Variants in TH observed in about 807,000 individuals in gnomAD.
The protein encoded by TH is tyrosine 3-monooxygenase.
TH carries 49 observed loss-of-function variants against 57.4 expected under a neutral mutation model. That is an observed-to-expected ratio of 0.85 (90% CI 0.68 to 1.08). The LOEUF is 1.08. Ranked by LOEUF, TH falls within the 50% of genes least tolerant of loss-of-function variation. The probability of loss-of-function intolerance (pLI) is 0.00; values close to 1 mark genes in which losing one functional copy is unlikely to be tolerated. For synonymous variants in TH, 330 were observed against 304.5 expected, an observed-to-expected ratio of 1.08 and a Z score of -0.87; for missense variants, 720 against 696.7, an observed-to-expected ratio of 1.03 and a Z score of -0.38.
At chr11:2,168,720 A>AG in intron 2 of TH, 55 bp from the exon 3 acceptor site, 1 of 270,178 alleles carries the variant, frequency 3.7e-6, no homozygotes, top group Non-Finnish European at 6.7e-6. Flanking sequence ...AGAGATGGAG[A>AG]GAGAGGGTGG....
In TH at chr11:2,166,495, G is replaced by A. The variant is rs763198914; in HGVS notation, c.1032C>T (p.Phe344=). The A allele has an allele frequency of 6.3e-6, 10 of 1,593,848 alleles. No individual in the cohort carries two copies. Among genetic ancestry groups the A allele is most frequent in the Non-Finnish European group, 8.5e-6 (10 of 1,175,628 alleles). Residue 344 remains phenylalanine, a synonymous_variant, in exon 9 of 13, where the codon TTC becomes TTT. Coordinates refer to ENST00000352909, the MANE Select transcript of TH (RefSeq NM_000360.4). ...GHVPMLADRT[F]AQFSQDIGLA... is the part of the protein sequence containing the mutation. ...CGCGGCGTACCTGCGAGAACTGCGC[G>A]AAGGTGCGGTCGGCCAGCATGGGCA... is the stretch of plus-strand genomic sequence containing the variant.
rs1453157611 is a variant in TH, at chr11:2,171,033, C to G, written c.90+664G>C. 2.0e-5 allele frequency among the ~76,000 whole-genome samples: 3 copies of G among 152,066 alleles called. No homozygotes were observed. Among genetic ancestry groups the G allele is most frequent in the African/African-American group, 7.2e-5 (3 of 41,402 alleles). On this transcript the variant is annotated intron_variant, in intron 1 of 12. Transcript: ENST00000352909. This position sits in a 1 kb window ranked among gnomAD's most constrained non-coding sequence, Gnocchi z 8.6. ...GATTATCCAGCCTGGCCCACACAGT[C>G]CCCTGTACACAGGGCTTCCGAGTGC...
rs776723483 is a variant in TH, at chr11:2,167,858, C to T, written c.644+8G>A. 1.9e-6 allele frequency: 3 copies of T among 1,598,608 alleles called. No individual in the cohort carries two copies. The highest frequency in any genetic ancestry group is 2.6e-6 in the Non-Finnish European group (3 of 1,172,620). ...GGAGTCTGGGTCCCGAGCGCAGGGG[C>T]CCCTCACTGCCTGTACTGGAAGGCG... On this transcript the variant is annotated splice_region_variant and intron_variant, in intron 5 of 12. Transcript: ENST00000352909.
At chr11:2,166,169 G>A in intron 9 of TH, 111 bp from the exon 10 acceptor site, 1 of 1,229,648 alleles carries the variant, frequency 8.1e-7, no homozygotes, top group Admixed American at 2.0e-5. Context: ...ACACTTCCCT[G>A]GCGGCAGAGA....
chr11:2,165,435 C>A, intron 11 of TH, 70 bp from the exon 12 acceptor site: 1 of 1,598,180 alleles, frequency 6.3e-7, no homozygotes, highest in South Asian at 1.1e-5. Context: ...GGCACCGTGG[C>A]CTGACGCTGG....
Position 2,168,668 on chromosome 11 carries a change from T to C in TH, c.313-3A>G, listed in dbSNP as rs747848885. Reference sequence around the variant, plus strand: ...TGGTGGATTTTGGCTTCAAACGTCTTAGGGAGCAAAAGCAGGAAGAGAGAG... The same window carrying C: ...TGGTGGATTTTGGCTTCAAACGTCTCAGGGAGCAAAAGCAGGAAGAGAGAG... On this transcript the variant is annotated splice_polypyrimidine_tract_variant and splice_region_variant and intron_variant, in intron 2 of 12. Transcript: ENST00000352909. The C allele has an allele frequency of 6.6e-6, 10 of 1,509,310 alleles. No individual in the cohort carries two copies. In the South Asian group the frequency reaches 1.0e-4, roughly 15 times the overall value. 93.5% of individuals were successfully genotyped at this position (1,509,310 alleles called of 1,614,324 possible). A position where few individuals can be genotyped will look rare whatever the true frequency, so the allele number is the denominator to read the frequency against.
In TH at chr11:2,168,123, T is replaced by G. The variant is rs749564862; in HGVS notation, c.544A>C (p.Lys182Gln). Reference sequence around the variant, plus strand: ...TCCAAGTCCAGGTCAGGGTCGAACTTGGTGACCAGGTGATGACACTTGTCC... The same window carrying G: ...TCCAAGTCCAGGTCAGGGTCGAACTGGGTGACCAGGTGATGACACTTGTCC... ...ELDKCHHLVT[K>Q]FDPDLDLDHP... is the part of the protein sequence containing the mutation. Residue 182 changes from lysine (K) to glutamine (Q), a missense_variant, in exon 4 of 13, where the codon AAG (lysine) becomes CAG (glutamine). By Grantham distance (53) the Lys-to-Gln change is moderately conservative. Coordinates refer to ENST00000352909, the MANE Select transcript of TH (RefSeq NM_000360.4). 1.2e-6 allele frequency: 2 copies of G among 1,613,532 alleles called. No homozygotes were observed. Among genetic ancestry groups the G allele is most frequent in the Non-Finnish European group, 8.5e-7 (1 of 1,179,994 alleles).
At chr11:2,169,518 C>T in intron 2 of TH, 132 bp downstream of exon 2, 1 of 857,810 alleles carries the variant, frequency 1.2e-6, no homozygotes, top group Non-Finnish European at 1.9e-6. Flanking sequence ...CCTGAGACTC[C>T]CCTGCTGCAT....
Position 2,167,898 on chromosome 11 carries a change from C to G in TH, c.612G>C (p.Lys204Asn). 1 of 1,610,762 alleles carries G rather than the reference C, an allele frequency of 6.2e-7. No individual in the cohort carries two copies. Residue 204 changes from lysine to asparagine, a missense_variant, in exon 5 of 13, where the codon AAG becomes AAC. Coordinates refer to ENST00000352909, the MANE Select transcript of TH (RefSeq NM_000360.4). ...FSDQVYRQRRKLIAEIAFQYR... is the reference protein window; with the variant it reads ...FSDQVYRQRRNLIAEIAFQYR... ...ACTGGAAGGCGATCTCAGCAATCAG[C>G]TTCCTGCGCTGGCGGTACACCTGGT...
intron 2 of TH, 149 bp from the exon 3 acceptor site, chr11:2,168,814 TC>T (rs1846174771): frequency 2.0e-6 from 2 of 1,023,798 alleles, no homozygotes; most frequent in East Asian, 5.2e-5. Context: ...ATCCCGTTCT[TC>T]CAGGCTCAGG....
In TH at chr11:2,164,099, T is replaced by G. The variant is rs1590163756; in HGVS notation, c.*134A>C. The G allele has an allele frequency of 1.3e-6, 1 of 771,034 alleles. No individual in the cohort carries two copies. The highest frequency in any genetic ancestry group is 1.8e-6 in the Non-Finnish European group (1 of 547,672). 47.8% of individuals were successfully genotyped at this position (771,034 alleles called of 1,614,324 possible). On this transcript the variant is annotated 3_prime_UTR_variant, in exon 13 of 13. Coordinates refer to ENST00000352909, the MANE Select transcript of TH (RefSeq NM_000360.4). Reference sequence around the variant, plus strand: ...CACAGCTGTTGCGCTGAGAAGCAGGTGCAGGGGCAGTGGGAGCCTGGCAGC... The same window carrying G: ...CACAGCTGTTGCGCTGAGAAGCAGGGGCAGGGGCAGTGGGAGCCTGGCAGC...
chr11:2,166,661 C>G lies in TH; in HGVS notation c.949G>C (p.Ala317Pro), dbSNP rs1249838017. Residue 317 changes from alanine (A) to proline (P), a missense_variant, in exon 8 of 13, where the codon GCG becomes CCG. Transcript: ENST00000352909. ...VFQCTQYIRH[A>P]SSPMHSPEPD... ...TCAGGGGAGTGCATGGGCGAGGACG[C>G]GTGGCGGATATACTGGGTGCACTGG... The G allele has an allele frequency of 6.4e-7, 1 of 1,572,256 alleles. No individual in the cohort carries two copies. The highest frequency in any genetic ancestry group is 1.3e-5 in the African/African-American group (1 of 74,280).
intron 9 of TH, 89 bp downstream of exon 9, chr11:2,166,391 C>T: frequency 1.4e-6 from 2 of 1,481,106 alleles, no homozygotes; most frequent in Non-Finnish European, 1.8e-6. Context: ...AGGCAGCACA[C>T]TTCACCCACC....
rs369054112 is a variant in TH, at chr11:2,164,195, A to C, written c.*38T>G. The C allele has an allele frequency of 3.5e-6, 5 of 1,425,490 alleles. No individual in the cohort carries two copies. The highest frequency in any genetic ancestry group is 4.6e-6 in the Non-Finnish European group (5 of 1,086,042). 88.3% of individuals were successfully genotyped at this position (1,425,490 alleles called of 1,614,324 possible). A position where few individuals can be genotyped will look rare whatever the true frequency, so the allele number is the denominator to read the frequency against. On this transcript the variant is annotated 3_prime_UTR_variant, in exon 13 of 13. Transcript: ENST00000352909. ...CTGAGCTCCGGGACAGTGCAGGACC[A>C]GGGGAGGTTGGGAAGGGCCCTCAGG...
At position 2,169,806 on chromosome 11, in the gene TH, C is replaced by G. The variant is rs769897682; in HGVS notation, c.156G>C (p.Ala52=). 6.2e-7 allele frequency: 1 copy of G among 1,611,152 alleles called. No homozygotes were observed. Among genetic ancestry groups the G allele is most frequent in the East Asian group, 2.2e-5 (1 of 44,854 alleles). The part of the protein sequence containing the change: ...IEDARKEREA[A]VAAAAAAVPS... ...GGACTGCAGCGGCCGCTGCTGCCAC[C>G]GCCGCCTCCCGCTCCTTGCGGGCGT... Residue 52 remains alanine (A), a synonymous_variant, in exon 2 of 13, where the codon GCG becomes GCC. Coordinates refer to ENST00000352909, the MANE Select transcript of TH (RefSeq NM_000360.4).
chr11:2,165,720 CCG>C lies in TH; in HGVS notation c.1146_1147del (p.Asn382LysfsTer23). 1 of 1,612,802 alleles carries C rather than the reference CCG, an allele frequency of 6.2e-7. No individual in the cohort carries two copies. The highest frequency in any genetic ancestry group is 2.2e-5 in the East Asian group (1 of 44,868). ...CCCGGCACCATAGGCCTTCACCTCC[CCG>C]TTCTGCTTACACAGCCCGAACTCCA... On this transcript the variant is annotated frameshift_variant, in exon 11 of 13. Transcript: ENST00000352909. LOFTEE classifies it high-confidence loss of function.
rs1191108061 is a variant in TH, at chr11:2,170,591, C to G, written c.91-720G>C. On this transcript the variant is annotated intron_variant, in intron 1 of 12. Transcript: ENST00000352909. The surrounding 1 kb of genome is among the most constrained non-coding windows in gnomAD (Gnocchi z 6.0). Reference sequence around the variant, plus strand: ...GCTGAACTCCCAAGAAGGCTCTGGGCCCCTTGTAAGAGAAGAATCAGCTTC... The same window carrying G: ...GCTGAACTCCCAAGAAGGCTCTGGGGCCCTTGTAAGAGAAGAATCAGCTTC... 1 of 1,087,358 alleles carries G rather than the reference C, an allele frequency of 9.2e-7. No individual in the cohort carries two copies. The highest frequency in any genetic ancestry group is 2.6e-5 in the East Asian group (1 of 38,938). The allele number at this position is 1,087,358 out of a possible 1,614,324, so 67.4% of individuals were successfully genotyped here.
In TH at chr11:2,166,935, GGTAGCCGCTGAAGCGCTCCA is replaced by G; in HGVS notation, c.773_792del (p.Leu258ProfsTer61). ...TCCAGCTGGGGGATATTGTCTTCCC[GGTAGCCGCTGAAGCGCTCCA>G]GCAAAGCAAAGGCCTCCAGGTGCTC... On this transcript the variant is annotated frameshift_variant, in exon 7 of 13. Transcript: ENST00000352909. LOFTEE classifies it high-confidence loss of function. 6.2e-7 allele frequency: 1 copy of G among 1,600,592 alleles called. No individual in the cohort carries two copies. Among genetic ancestry groups the G allele is most frequent in the Non-Finnish European group, 8.5e-7 (1 of 1,174,802 alleles).
chr11:2,167,110 C>CAGA (rs1846120554), intron 6 of TH, 78 bp from the exon 7 acceptor site: 1 of 1,531,844 alleles, frequency 6.5e-7, no homozygotes, highest in African/African-American at 1.4e-5. Flanking sequence ...GTGGGTGCCT[C>CAGA]TGCCTGCCTG....
Sources: gnomAD v4.1 joint callset for allele counts (sites outside exome capture counted in the v4.1 genomes callset) on GRCh38, gnomAD v4.1.1 for gene constraint, Gnocchi (gnomAD v3.1) non-coding constraint, MANE v1.5 for transcripts, NCBI Gene and HGNC (gene_info 2026-07-23, HGNC 2026-07-21) for gene names.